Variants in MIER1 observed in about 807,000 individuals in gnomAD.
The protein encoded by MIER1 is MIER1 transcriptional regulator.
A neutral mutation model predicts 75.7 loss-of-function variants in MIER1; 40 were observed. That is an observed-to-expected ratio of 0.53 (90% CI 0.41 to 0.69). MIER1 has a LOEUF of 0.69. MIER1 is among the 30% of genes least tolerant of loss of function. The probability of loss-of-function intolerance (pLI) is 0.00; values close to 1 mark genes in which losing one functional copy is unlikely to be tolerated. For synonymous variants in MIER1, 213 were observed against 223.4 expected, an observed-to-expected ratio of 0.95 and a Z score of 0.42; for missense variants, 574 against 680.2, an observed-to-expected ratio of 0.84 and a Z score of 1.74.
chr1:66,948,055 A>G, intron 4 of MIER1: 5 of 972,724 alleles, frequency 5.1e-6, no homozygotes, highest in Non-Finnish European at 6.1e-6. Flanking sequence ...CTTTAGTGTT[A>G]GGACACAATT....
rs1392596841 is a variant in MIER1, at chr1:66,985,079, C to G, written c.*179C>G. On this transcript the variant is annotated 3_prime_UTR_variant, in exon 14 of 14. Coordinates refer to ENST00000401041, the MANE Select transcript of MIER1 (RefSeq NM_001077700.3). The stretch of plus-strand genomic sequence containing the variant: ...TTTTGCAGATTTTTTTACTTTAAAG[C>G]TGTCAGACTCTTTTAAGGGTATTTT... 7.5e-7 allele frequency: 1 copy of G among 1,335,340 alleles called. No homozygotes were observed. The highest frequency in any genetic ancestry group is 9.6e-7 in the Non-Finnish European group (1 of 1,040,742). The allele number at this position is 1,335,340 out of a possible 1,614,324, so 82.7% of individuals were successfully genotyped here. A position where few individuals can be genotyped will look rare whatever the true frequency, so the allele number is the denominator to read the frequency against.
intron 6 of MIER1, among the ~76,000 whole-genome samples, chr1:66,959,452 T>C (rs575344238): frequency 6.6e-6 from 1 of 152,278 alleles, no homozygotes; most frequent in East Asian, 1.9e-4. Flanking sequence ...CCTAAGTTTT[T>C]ATAGGAAATC....
intron 12 of MIER1, among the ~76,000 whole-genome samples, chr1:66,978,183 G>A (rs1000075971): frequency 4.2e-5 from 6 of 143,096 alleles, no homozygotes; most frequent in African/African-American, 7.8e-5. Flanking sequence ...GCAACAGAGC[G>A]AAACTCCATC....
rs1651142740 is a variant in MIER1 at position 66,925,068 on chromosome 1, G to A, written c.40G>A (p.Gly14Ser). ...ASSGGGGSSEGGGGSSGSGYG... is the reference protein window; with the variant it reads ...ASSGGGGSSESGGGSSGSGYG... The stretch of plus-strand genomic sequence containing the variant: ...TTCAGGCGGTGGCGGCAGCAGCGAA[G>A]GTGGCGGCGGCAGCAGCGGCAGCGG... Residue 14 changes from glycine (G) to serine (S), a missense_variant, in exon 1 of 14, where the codon GGT becomes AGT. By Grantham distance (56) the Gly-to-Ser change is moderately conservative (BLOSUM62 0). Coordinates refer to ENST00000401041, the MANE Select transcript of MIER1 (RefSeq NM_001077700.3). 6.5e-7 allele frequency: 1 copy of A among 1,548,044 alleles called. No homozygotes were observed. Among genetic ancestry groups the A allele is most frequent in the Non-Finnish European group, 8.7e-7 (1 of 1,145,916 alleles).
chr1:66,982,012 C>A, intron 13 of MIER1, 94 bp downstream of exon 13: 2 of 1,316,414 alleles, frequency 1.5e-6, no homozygotes, highest in Non-Finnish European at 2.1e-6. Context: ...TATTAAACTT[C>A]CAGAGCAGAA....
intron 11 of MIER1, 68 bp downstream of exon 11, chr1:66,973,059 T>G (rs2101907396): frequency 3.7e-6 from 3 of 809,738 alleles, no homozygotes; most frequent in East Asian, 5.2e-5. Context: ...TCATGTATCG[T>G]AATTTGTTAT....
intron 8 of MIER1, among the ~76,000 whole-genome samples, chr1:66,965,749 G>C (rs1662251076): frequency 6.6e-6 from 1 of 152,024 alleles, no homozygotes; most frequent in African/African-American, 2.4e-5. Flanking sequence ...CAACTATTAG[G>C]GGTTACTCAT....
At chr1:66,929,144 A>T in intron 2 of MIER1, 1 of 648,484 alleles carries the variant, frequency 1.5e-6, no homozygotes, top group Non-Finnish European at 2.8e-6. Context: ...CCTATATTGC[A>T]TTATAAGTTA....
In MIER1 at chr1:66,986,368, A is replaced by T; in HGVS notation, c.*1468A>T. 6.3e-7 allele frequency: 1 copy of T among 1,599,582 alleles called. No individual in the cohort carries two copies. The highest frequency in any genetic ancestry group is 8.5e-7 in the Non-Finnish European group (1 of 1,174,538). ...TAGACCAACCTATATCCAAACTTTT[A>T]TAAAATATTAATTATTCTTGTTTTT... On this transcript the variant is annotated 3_prime_UTR_variant, in exon 14 of 14. Coordinates refer to ENST00000401041, the MANE Select transcript of MIER1 (RefSeq NM_001077700.3).
At position 66,930,187 on chromosome 1, in the gene MIER1, C is replaced by T. The variant is rs1558011026; in HGVS notation, c.168+3945C>T. On this transcript the variant is annotated intron_variant, in intron 2 of 13. Transcript: ENST00000401041. ...TGCTCGCTGGTCTTTTCCCTCCAGT[C>T]CAGCCCAGCCGGGGCGCCGCGAGGG... The T allele has an allele frequency of 1.2e-5, 16 of 1,354,866 alleles. No homozygotes were observed. In the South Asian group the frequency reaches 2.8e-4, roughly 24 times the overall value. 83.9% of individuals were successfully genotyped at this position (1,354,866 alleles called of 1,614,324 possible).
intron 4 of MIER1, 103 bp downstream of exon 4, chr1:66,946,398 A>G (rs1657647254): frequency 1.0e-5 from 15 of 1,431,970 alleles, no homozygotes; most frequent in South Asian, 1.7e-5. Flanking sequence ...ATTGTGTTAT[A>G]TATTAATGAC....
At chr1:66,936,758 T>C (rs1200303030) in intron 2 of MIER1, among the ~76,000 whole-genome samples, 3 of 151,722 alleles carry the variant, frequency 2.0e-5, no homozygotes, top group Non-Finnish European at 4.4e-5. Flanking sequence ...CCCAGCACTT[T>C]GGGAGGCTGA....
In MIER1 at chr1:66,931,525, G is replaced by A. The variant is rs145405625; in HGVS notation, c.168+5283G>A. Among the ~76,000 whole-genome samples, 541 of 152,280 alleles carry A rather than the reference G, an allele frequency of 3.6e-3. 3 individuals are homozygous for A. Among genetic ancestry groups the A allele is most frequent in the African/African-American group, 0.012 (517 of 41,550 alleles). On this transcript the variant is annotated intron_variant, in intron 2 of 13. Coordinates refer to ENST00000401041, the MANE Select transcript of MIER1 (RefSeq NM_001077700.3). ...CACAGGCACCCCAAAACAGATTTAG[G>A]AAGGAGGGTGAGATTTTGCTGTAGC...
chr1:66,988,405 C>G lies in MIER1; in HGVS notation c.*3505C>G, dbSNP rs1360344105. 2.0e-5 allele frequency: 3 copies of G among 152,368 alleles called. No homozygotes were observed. The highest frequency in any genetic ancestry group is 7.2e-5 in the African/African-American group (3 of 41,470). The allele number at this position is 152,368 out of a possible 1,614,324, so 9.4% of individuals were successfully genotyped here. ...ACACATCCATCCACCCACTTACAGACTGATTTCATGTATCTGAATATCTGA... is the reference window on the plus strand; with the variant it reads ...ACACATCCATCCACCCACTTACAGAGTGATTTCATGTATCTGAATATCTGA... On this transcript the variant is annotated 3_prime_UTR_variant, in exon 14 of 14. Coordinates refer to ENST00000401041, the MANE Select transcript of MIER1 (RefSeq NM_001077700.3).
intron 7 of MIER1, among the ~76,000 whole-genome samples, chr1:66,961,396 TTATGGGG>T (rs1661226592): frequency 6.6e-6 from 1 of 152,178 alleles, no homozygotes; most frequent in Non-Finnish European, 1.5e-5. Context: ...AATGTCAGCC[TTATGGGG>T]CTTGCTGAAA....
At chr1:66,971,550 C>T in intron 9 of MIER1, 105 bp from the exon 10 acceptor site, 1 of 618,684 alleles carries the variant, frequency 1.6e-6, no homozygotes, top group Non-Finnish European at 2.9e-6. Flanking sequence ...AGTTATTTGC[C>T]CTCAAAAAGG....
chr1:66,951,528 A>G (rs1171183279), intron 4 of MIER1, among the ~76,000 whole-genome samples: 1 of 150,706 alleles, frequency 6.6e-6, no homozygotes, highest in African/African-American at 2.4e-5. Context: ...GTGTAAGACA[A>G]CTCATTTCTT....
chr1:66,974,821 A>G (rs1424281768), intron 11 of MIER1, among the ~76,000 whole-genome samples: 1 of 152,174 alleles, frequency 6.6e-6, no homozygotes, highest in African/African-American at 2.4e-5. Context: ...TTATGTCTGG[A>G]ATTAAAGTTC....
At chr1:66,928,792 A>T (rs1652421927) in intron 2 of MIER1, 1 of 642,798 alleles carries the variant, frequency 1.6e-6, no homozygotes, top group African/African-American at 1.8e-5. Context: ...AAATAAAATG[A>T]AAATACTGTA....
Sources: allele counts gnomAD v4.1 joint callset (sites outside exome capture counted in the v4.1 genomes callset), GRCh38; gene constraint gnomAD v4.1.1; transcripts MANE v1.5; gene names NCBI Gene and HGNC (gene_info 2026-07-23, HGNC 2026-07-21).